NAV2: variants seen among roughly 807,000 people sequenced by gnomAD.
The protein encoded by NAV2 is neuron navigator 2, also known as helicase, APC down-regulated 1.
A neutral mutation model predicts 223.2 loss-of-function variants in NAV2; 54 were observed. That is an observed-to-expected ratio of 0.24 (90% CI 0.19 to 0.30). The LOEUF (loss-of-function observed/expected upper bound fraction) is 0.30. Among genes scored for constraint, NAV2 ranks in the 10% least tolerant of loss-of-function variants. The probability of loss-of-function intolerance (pLI) is 1.00; values close to 1 mark genes in which losing one functional copy is unlikely to be tolerated. For missense variants in NAV2, 2,806 were observed against 3,147.5 expected, an observed-to-expected ratio of 0.89 and a Z score of 2.60; for synonymous variants, 1,279 against 1,239.3, an observed-to-expected ratio of 1.03 and a Z score of -0.67.
intron 1 of NAV2, chr11:19,777,906 C>A (rs957673633): frequency 4.4e-6 from 2 of 455,836 alleles, no homozygotes; most frequent in Non-Finnish European, 8.8e-6. Flanking sequence ...CCCATTGTGT[C>A]TTGATACTTT....
chr11:19,952,628 A>G (rs2047491327), intron 10 of NAV2, among the ~76,000 whole-genome samples: 1 of 152,242 alleles, frequency 6.6e-6, no homozygotes, highest in Non-Finnish European at 1.5e-5. Context: ...AAAATCTGAT[A>G]TGGAAGTAAA....
intron 3 of NAV2, among the ~76,000 whole-genome samples, chr11:19,857,735 CTTGA>C (rs1029588870): frequency 6.6e-6 from 1 of 152,086 alleles, no homozygotes; most frequent in African/African-American, 2.4e-5. Flanking sequence ...GCAAAAACGA[CTTGA>C]TTTTTAAAAA....
intron 6 of NAV2, among the ~76,000 whole-genome samples, chr11:19,922,278 T>G (rs1260203743): frequency 6.6e-6 from 1 of 151,966 alleles, no homozygotes; most frequent in Non-Finnish European, 1.5e-5. Flanking sequence ...CCTCCCAGTG[T>G]CTTTGGGCAG....
intron 1 of NAV2, among the ~76,000 whole-genome samples, chr11:19,477,029 T>C (rs1191659858): frequency 6.6e-6 from 1 of 152,142 alleles, no homozygotes; most frequent in Non-Finnish European, 1.5e-5. Context: ...CTCCATCATA[T>C]TGCATTCCCA....
chr11:19,711,217 A>T (rs990773084), upstream of NAV2: 2 of 152,220 alleles, frequency 1.3e-5, no homozygotes, highest in African/African-American at 4.8e-5. Context: ...TCAGAGGTTA[A>T]GACTTTGATG....
At chr11:19,537,267 C>T (rs2044216183) in intron 1 of NAV2, among the ~76,000 whole-genome samples, 1 of 149,132 alleles carries the variant, frequency 6.7e-6, no homozygotes, top group Non-Finnish European at 1.5e-5. Flanking sequence ...ATAACAACAA[C>T]TAATAACAAT....
intron 1 of NAV2, among the ~76,000 whole-genome samples, chr11:19,527,658 A>G (rs1377443531): frequency 8.2e-6 from 1 of 121,794 alleles, no homozygotes; most frequent in East Asian, 2.4e-4. Flanking sequence ...CGCATCCAGC[A>G]CTCTCTTGAA....
intron 1 of NAV2, among the ~76,000 whole-genome samples, chr11:19,664,556 T>A (rs189275151): frequency 1.8e-3 from 277 of 152,338 alleles, no homozygotes; most frequent in African/African-American, 6.4e-3. Flanking sequence ...CAGGATTGAC[T>A]ACAGACATGA....
chr11:19,509,199 A>G (rs553052684), intron 1 of NAV2, among the ~76,000 whole-genome samples: 1 of 152,214 alleles, frequency 6.6e-6, no homozygotes, highest in African/African-American at 2.4e-5. Flanking sequence ...GAGCGAGGCA[A>G]CCCTTAAGGT....
Position 19,487,955 on chromosome 11 carries a change from T to C in NAV2, c.75+136928T>C, listed in dbSNP as rs548117419. On this transcript the variant is annotated intron_variant, in intron 1 of 37. Coordinates refer to the NAV2 transcript ENST00000360655. ...AGCCACAAAGTTTAGGGATAATTTG[T>C]TGCACATCAAGAGATAGCTAATGCA... 1.5e-4 allele frequency among the ~76,000 whole-genome samples: 23 copies of C among 152,336 alleles called. No individual in the cohort carries two copies. In the South Asian group the frequency reaches 4.6e-3, roughly 30 times the overall value.
chr11:19,500,867 T>C (rs182021387), intron 1 of NAV2, among the ~76,000 whole-genome samples: 132 of 152,338 alleles, frequency 8.7e-4, no homozygotes, highest in Middle Eastern at 3.4e-3. Context: ...TTTCAATGGC[T>C]GCTGTAATAA....
At chr11:19,377,252 G>A (rs2729841) in intron 1 of NAV2, among the ~76,000 whole-genome samples, 41,764 of 152,094 alleles carry the variant, frequency 0.27, 5,922 homozygotes, top group East Asian at 0.45. Flanking sequence ...AGCATGGAAG[G>A]GTGCTATCTA....
intron 1 of NAV2, among the ~76,000 whole-genome samples, chr11:19,705,211 C>G (rs933569868): frequency 1.3e-5 from 2 of 152,060 alleles, no homozygotes; most frequent in African/African-American, 4.8e-5. Context: ...CAGATCCAGC[C>G]TAGAATCTGA....
intron 30 of NAV2, 143 bp downstream of exon 30, chr11:20,095,910 T>TTAATG: frequency 1.4e-6 from 1 of 691,866 alleles, no homozygotes. Flanking sequence ...CTGGAACTTG[T>TTAATG]TCCCTGGCTC....
At chr11:20,001,070 A>G (rs771679225) in intron 11 of NAV2, among the ~76,000 whole-genome samples, 3 of 152,110 alleles carry the variant, frequency 2.0e-5, no homozygotes, top group South Asian at 2.1e-4. Context: ...GGCCCCTGCT[A>G]TCACACCCGC....
At chr11:20,041,473 G>A (rs2056910555) in intron 12 of NAV2, among the ~76,000 whole-genome samples, 1 of 152,150 alleles carries the variant, frequency 6.6e-6, no homozygotes, top group South Asian at 2.1e-4. Flanking sequence ...TAGTTGTTAT[G>A]CTACTAGTAT....
intron 6 of NAV2, among the ~76,000 whole-genome samples, chr11:19,896,673 G>A (rs970521144): frequency 6.6e-6 from 1 of 152,098 alleles, no homozygotes; most frequent in Admixed American, 6.5e-5. Context: ...AATTTCACTC[G>A]GAGGAATTGT....
At chr11:19,613,702 C>T (rs79273992) in intron 1 of NAV2, among the ~76,000 whole-genome samples, 1,819 of 152,282 alleles carry the variant, frequency 0.012, 37 homozygotes, top group East Asian at 0.062. Flanking sequence ...AAGAACCAAG[C>T]GGCCAGAGTT....
At chr11:19,680,321 C>T (rs372327908) in intron 1 of NAV2, among the ~76,000 whole-genome samples, 6 of 152,146 alleles carry the variant, frequency 3.9e-5, no homozygotes, top group Non-Finnish European at 8.8e-5. Context: ...GTCAGGGGCT[C>T]GGCCATTCCT....
Sources: gnomAD v4.1 joint callset for allele counts (sites outside exome capture counted in the v4.1 genomes callset) on GRCh38, gnomAD v4.1.1 for gene constraint, MANE v1.5 for transcripts, NCBI Gene and HGNC (gene_info 2026-07-23, HGNC 2026-07-21) for gene names.